The following ANKRD13C variants were observed in gnomAD, a reference collection of about 807,000 sequenced individuals.
ANKRD13C encodes ankyrin repeat domain 13C, also known as ankyrin repeat domain-containing protein 13C.
In ANKRD13C, 16 loss-of-function variants were observed where a neutral mutation model predicts 65.5. The observed-to-expected ratio is 0.24, with a 90% confidence interval of 0.17 to 0.37. ANKRD13C has a LOEUF of 0.37. ANKRD13C is among the 10% of genes least tolerant of loss of function. The pLI is 1.00. For missense variants in ANKRD13C, 503 were observed against 655.9 expected, an observed-to-expected ratio of 0.77 and a Z score of 2.55; for synonymous variants, 235 against 238.7, an observed-to-expected ratio of 0.98 and a Z score of 0.14.
chr1:70,340,188 G>A (rs1024083812), intron 1 of ANKRD13C, among the ~76,000 whole-genome samples: 1 of 151,944 alleles, frequency 6.6e-6, no homozygotes, highest in African/African-American at 2.4e-5. Context: ...CAAAGTGTTG[G>A]CTTTGTTGCT....
intron 6 of ANKRD13C, among the ~76,000 whole-genome samples, chr1:70,305,100 A>G (rs1680534124): frequency 6.6e-6 from 1 of 152,118 alleles, no homozygotes; most frequent in African/African-American, 2.4e-5. Context: ...TTTATTATCT[A>G]AAAAAAGAAA....
intron 2 of ANKRD13C, among the ~76,000 whole-genome samples, chr1:70,327,378 G>A (rs1006943442): frequency 2.0e-5 from 3 of 152,154 alleles, no homozygotes; most frequent in Admixed American, 6.5e-5. Flanking sequence ...TAAGAAACAT[G>A]GAGAGAAAAT....
At chr1:70,351,600 A>C (rs998257426) in intron 1 of ANKRD13C, among the ~76,000 whole-genome samples, 1 of 152,142 alleles carries the variant, frequency 6.6e-6, no homozygotes. Flanking sequence ...GGGTTTCACT[A>C]TGTTGGTCAG....
At position 70,290,144 on chromosome 1, in the gene ANKRD13C, T is replaced by C. The variant is rs1270472102; in HGVS notation, c.1215+2244A>G. Among the ~76,000 whole-genome samples the C allele has an allele frequency of 2.0e-5, 3 of 151,588 alleles. No homozygotes were observed. The East Asian group carries it at 5.8e-4, about 29-fold the overall frequency. ...GGGATAGGATCACACTAAAGTGGCA[T>C]GATCACAATTTTAAACATTTTACAT... On this transcript the variant is annotated intron_variant, in intron 9 of 12. Transcript: ENST00000370944.
Position 70,289,768 on chromosome 1 carries a change from G to A in ANKRD13C, c.1215+2620C>T, listed in dbSNP as rs957805264. On this transcript the variant is annotated intron_variant, in intron 9 of 12. Coordinates refer to ENST00000370944, the MANE Select transcript of ANKRD13C (RefSeq NM_030816.5). The stretch of plus-strand genomic sequence containing the variant: ...TGGAATTATAGGCCTGAGCCACCGC[G>A]CCCAGCCTGTGTTGCCCAAATTTTT... 5.3e-5 allele frequency among the ~76,000 whole-genome samples: 8 copies of A among 151,740 alleles called. No individual in the cohort carries two copies. In the East Asian group the frequency reaches 5.8e-4, roughly 11 times the overall value.
intron 9 of ANKRD13C, among the ~76,000 whole-genome samples, chr1:70,287,630 G>A (rs1485065257): frequency 6.6e-6 from 1 of 152,116 alleles, no homozygotes; most frequent in East Asian, 1.9e-4. Flanking sequence ...AGCCCACTTT[G>A]AGAAGATGAA....
intron 9 of ANKRD13C, among the ~76,000 whole-genome samples, chr1:70,290,918 G>GA (rs141804134): frequency 0.027 from 4,108 of 150,710 alleles, 207 homozygotes; most frequent in African/African-American, 0.095. Flanking sequence ...GGGAGAAAAG[G>GA]AAAAAAAAGT....
At chr1:70,312,509 A>C (rs1680891513) in intron 5 of ANKRD13C, among the ~76,000 whole-genome samples, 1 of 152,026 alleles carries the variant, frequency 6.6e-6, no homozygotes, top group South Asian at 2.1e-4. Flanking sequence ...TTAAATGTAT[A>C]GAGAAAACTA....
rs1572105915 is a variant in ANKRD13C at position 70,309,794 on chromosome 1, A to T, written c.710-3504T>A. On this transcript the variant is annotated intron_variant, in intron 5 of 12. Transcript: ENST00000370944. ...AATACAGGATGGATTGATTCTGTAG[A>T]CAACAAATAAAAATAGAGAATTAGT... 2.6e-5 allele frequency among the ~76,000 whole-genome samples: 4 copies of T among 151,424 alleles called. No individual in the cohort carries two copies. The South Asian group carries it at 8.3e-4, about 31-fold the overall frequency.
intron 2 of ANKRD13C, among the ~76,000 whole-genome samples, chr1:70,326,402 T>C (rs1023263922): frequency 1.3e-5 from 2 of 152,080 alleles, no homozygotes; most frequent in Non-Finnish European, 2.9e-5. Flanking sequence ...GAATATAACA[T>C]GTAAATTAAT....
In ANKRD13C at chr1:70,259,081, A is replaced by G. The variant is rs142529049; in HGVS notation, c.*3636T>C. On this transcript the variant is annotated 3_prime_UTR_variant, in exon 13 of 13. Transcript: ENST00000370944. ...CTAGGTTTGTGTAAGTACACCCAAT[A>G]TGGTTCTCACAATGACAAAATCACC... 3.1e-4 allele frequency among the ~76,000 whole-genome samples: 47 copies of G among 152,266 alleles called. No homozygotes were observed. The highest frequency in any genetic ancestry group is 1.1e-3 in the African/African-American group (47 of 41,546).
intron 2 of ANKRD13C, among the ~76,000 whole-genome samples, chr1:70,334,030 A>G (rs961893752): frequency 6.6e-6 from 1 of 152,224 alleles, no homozygotes; most frequent in African/African-American, 2.4e-5. Context: ...ATAGAATTAA[A>G]ATAAAAATTA....
intron 12 of ANKRD13C, among the ~76,000 whole-genome samples, chr1:70,270,591 C>T (rs988008221): frequency 6.6e-6 from 1 of 152,082 alleles, no homozygotes; most frequent in African/African-American, 2.4e-5. Context: ...CAACCTAGAT[C>T]CCTCACATGT....
At chr1:70,323,652 A>C (rs1681410139) in intron 3 of ANKRD13C, among the ~76,000 whole-genome samples, 1 of 152,044 alleles carries the variant, frequency 6.6e-6, no homozygotes, top group Non-Finnish European at 1.5e-5. Flanking sequence ...CTCTCAAAAA[A>C]AAAAATTTTT....
chr1:70,310,994 T>C (rs1680822878), intron 5 of ANKRD13C, among the ~76,000 whole-genome samples: 1 of 152,134 alleles, frequency 6.6e-6, no homozygotes, highest in Non-Finnish European at 1.5e-5. Flanking sequence ...GACTGCATAA[T>C]CATTAATAGA....
chr1:70,307,428 C>A (rs1484786236), intron 5 of ANKRD13C, among the ~76,000 whole-genome samples: 2 of 151,798 alleles, frequency 1.3e-5, no homozygotes, highest in African/African-American at 4.8e-5. Context: ...AATAAATAAA[C>A]AAATAAAATT....
At chr1:70,350,686 G>A (rs1375553573) in intron 1 of ANKRD13C, among the ~76,000 whole-genome samples, 1 of 152,182 alleles carries the variant, frequency 6.6e-6, no homozygotes, top group African/African-American at 2.4e-5. Context: ...CGCACATTAT[G>A]AGAATTGACT....
chr1:70,350,723 AATAGAAAT>A (rs150862329), intron 1 of ANKRD13C, among the ~76,000 whole-genome samples: 2,736 of 152,350 alleles, frequency 0.018, 47 homozygotes, highest in Non-Finnish European at 0.025. Context: ...GGTCCTAATC[AATAGAAAT>A]ACTTACAAAG....
At chr1:70,273,027 T>TAAATAAATA (rs1244661729) in intron 11 of ANKRD13C, among the ~76,000 whole-genome samples, 2 of 129,166 alleles carry the variant, frequency 1.5e-5, no homozygotes, top group African/African-American at 5.8e-5. Context: ...ATAAATAAAA[T>TAAATAAATA]AATAAAATAA....
Sources: allele counts gnomAD v4.1 joint callset (sites outside exome capture counted in the v4.1 genomes callset), GRCh38; gene constraint gnomAD v4.1.1; transcripts MANE v1.5; gene names NCBI Gene and HGNC (gene_info 2026-07-23, HGNC 2026-07-21).